The following RALY variants were observed in gnomAD, a reference collection of about 807,000 sequenced individuals.
RALY encodes the protein RALY heterogeneous nuclear ribonucleoprotein, also known as RNA-binding protein Raly.
Under a neutral mutation model 30.7 loss-of-function variants are expected in RALY, and 15 were observed. That is an observed-to-expected ratio of 0.49 (90% CI 0.33 to 0.75). The LOEUF is 0.75. Among genes scored for constraint, RALY ranks in the 30% least tolerant of loss-of-function variants. RALY has a pLI of 0.02. For synonymous variants in RALY, 177 were observed against 170.8 expected (o/e 1.04, Z -0.28); for missense variants, 339 against 414.3 (o/e 0.82, Z 1.58).
At chr20:34,037,952 A>G (rs888874533) in intron 2 of RALY, among the ~76,000 whole-genome samples, 1 of 152,214 alleles carries the variant, frequency 6.6e-6, no homozygotes, top group African/African-American at 2.4e-5. Context: ...AGAGCAGCTC[A>G]TGTAAGAAAC....
chr20:34,071,202 A>G (rs2033716328), intron 2 of RALY, among the ~76,000 whole-genome samples: 1 of 152,106 alleles, frequency 6.6e-6, no homozygotes, highest in South Asian at 2.1e-4. Context: ...TCAAACCATT[A>G]TCGGGCTTAG....
chr20:34,059,121 AC>A, intron 2 of RALY, among the ~76,000 whole-genome samples: 1 of 152,086 alleles, frequency 6.6e-6, no homozygotes. Flanking sequence ...GAGAGAGGTC[AC>A]CCGTTCCTTC....
At chr20:34,050,648 C>T (rs184117210) in intron 2 of RALY, among the ~76,000 whole-genome samples, 1 of 152,278 alleles carries the variant, frequency 6.6e-6, no homozygotes, top group Non-Finnish European at 1.5e-5. Flanking sequence ...AGCCTGGTCC[C>T]ATTTCTCATT....
At chr20:34,056,044 A>C (rs751865312) in intron 2 of RALY, among the ~76,000 whole-genome samples, 2 of 152,158 alleles carry the variant, frequency 1.3e-5, no homozygotes, top group Non-Finnish European at 1.5e-5. Context: ...CTCCTTACTG[A>C]GCACTGGGCT....
At chr20:34,072,959 T>TGTGTGTGTGTGA (rs142692706) in intron 3 of RALY, among the ~76,000 whole-genome samples, 38 of 149,000 alleles carry the variant, frequency 2.6e-4, no homozygotes, top group African/African-American at 8.0e-4. Flanking sequence ...TGTGTGTGTG[T>TGTGTGTGTGTGA]GAGAGAGAGA....
chr20:34,046,360 T>G (rs2032878978), intron 2 of RALY, among the ~76,000 whole-genome samples: 1 of 152,212 alleles, frequency 6.6e-6, no homozygotes, highest in Non-Finnish European at 1.5e-5. Flanking sequence ...GTAACTTGAC[T>G]TCTGGGAGTG....
At chr20:34,076,956 G>A (rs1261512299) in intron 7 of RALY, 72 bp from the exon 8 acceptor site, 65 of 1,606,804 alleles carry the variant, frequency 4.0e-5, no homozygotes, top group Non-Finnish European at 4.5e-5. Flanking sequence ...GCCAGCTTCC[G>A]CTAAGGTGCT....
At position 34,077,053 on chromosome 20, in the gene RALY, TGGCGCC is replaced by T. The variant is rs1568700386; in HGVS notation, c.689_694del (p.Ala230_Gly231del). On this transcript the variant is annotated inframe_deletion, in exon 8 of 10. Coordinates refer to ENST00000246194, the MANE Select transcript of RALY (RefSeq NM_016732.3). ...ATGGCAAGAAGAAGGGTGATGGAGG[TGGCGCC>T]GGCGGCGGCGGCGGTGGTGGTGGCA... 8.7e-6 allele frequency: 13 copies of T among 1,493,334 alleles called. 1 individual carries two copies. Among genetic ancestry groups the T allele is most frequent in the East Asian group, 2.5e-5 (1 of 40,788 alleles). 92.5% of individuals were successfully genotyped at this position (1,493,334 alleles called of 1,614,324 possible). A position where few individuals can be genotyped will look rare whatever the true frequency, so the allele number is the denominator to read the frequency against.
chr20:34,044,766 T>C (rs2032822422), intron 2 of RALY, among the ~76,000 whole-genome samples: 1 of 152,204 alleles, frequency 6.6e-6, no homozygotes, highest in African/African-American at 2.4e-5. Context: ...GCCCGTAAGT[T>C]AGTCACAGAA....
chr20:34,010,771 A>G (rs891585678), intron 1 of RALY, among the ~76,000 whole-genome samples: 12 of 152,156 alleles, frequency 7.9e-5, no homozygotes, highest in African/African-American at 2.7e-4. Flanking sequence ...TTCAGCAGCA[A>G]CTGCCTGATT....
intron 2 of RALY, among the ~76,000 whole-genome samples, chr20:34,061,909 TCA>T (rs1287089075): frequency 6.6e-6 from 1 of 152,212 alleles, no homozygotes; most frequent in Non-Finnish European, 1.5e-5. Flanking sequence ...TTTCTCTGTA[TCA>T]CTAATGGTAA....
At chr20:34,020,817 GATAA>G (rs1279346301) in intron 1 of RALY, among the ~76,000 whole-genome samples, 1 of 152,210 alleles carries the variant, frequency 6.6e-6, no homozygotes, top group East Asian at 1.9e-4. Flanking sequence ...TGTAAGAGAA[GATAA>G]ATGTCAGAAC....
intron 3 of RALY, 26 bp from the exon 4 acceptor site, chr20:34,073,537 C>T: frequency 6.5e-7 from 1 of 1,544,948 alleles, no homozygotes. Context: ...GTTAGCATTC[C>T]AACTCTGCCT....
intron 2 of RALY, among the ~76,000 whole-genome samples, chr20:34,037,136 T>C (rs1042162439): frequency 6.6e-6 from 1 of 152,168 alleles, no homozygotes; most frequent in Non-Finnish European, 1.5e-5. Flanking sequence ...TCTGGAGAAG[T>C]ATCAAACTTC....
At chr20:34,023,485 C>G (rs1248385892) in intron 1 of RALY, among the ~76,000 whole-genome samples, 1 of 152,062 alleles carries the variant, frequency 6.6e-6, no homozygotes, top group South Asian at 2.1e-4. Flanking sequence ...AGCAGCAAAC[C>G]CAAGTGGACA....
chr20:34,069,295 A>G (rs1489964487), intron 2 of RALY, among the ~76,000 whole-genome samples: 1 of 152,210 alleles, frequency 6.6e-6, no homozygotes. Flanking sequence ...CATCATTCCA[A>G]ACCCCAAGGA....
intron 2 of RALY, among the ~76,000 whole-genome samples, chr20:34,064,003 T>G (rs2033494423): frequency 6.6e-6 from 1 of 152,102 alleles, no homozygotes; most frequent in African/African-American, 2.4e-5. Context: ...GATAAATAAA[T>G]AAATAAATGA....
intron 7 of RALY, 21 bp from the exon 8 acceptor site, chr20:34,077,007 C>T (rs769348026): frequency 6.2e-7 from 1 of 1,610,474 alleles, no homozygotes; most frequent in Non-Finnish European, 8.5e-7. Flanking sequence ...ATTCTCCCCT[C>T]CTCCACCCCT....
chr20:33,996,693 G>C (rs1415962488), intron 1 of RALY, among the ~76,000 whole-genome samples: 1 of 151,990 alleles, frequency 6.6e-6, no homozygotes, highest in East Asian at 1.9e-4. Context: ...GTACATTTAT[G>C]TGACATTAAA....
Sources: gnomAD v4.1 joint callset for allele counts (sites outside exome capture counted in the v4.1 genomes callset) on GRCh38, gnomAD v4.1.1 for gene constraint, MANE v1.5 for transcripts, NCBI Gene and HGNC (gene_info 2026-07-23, HGNC 2026-07-21) for gene names.